The following NAA16 variants were observed in gnomAD, a reference collection of about 807,000 sequenced individuals.
NAA16 encodes N-alpha-acetyltransferase 16, NatA auxiliary subunit.
In NAA16, 97 loss-of-function variants were observed where a neutral mutation model predicts 110.3. That is an observed-to-expected ratio of 0.88 (90% confidence interval 0.75 to 1.04). The LOEUF is 1.04. Among genes scored for constraint, NAA16 ranks in the 50% least tolerant of loss-of-function variants. The pLI is 0.00. For synonymous variants in NAA16, 372 were observed against 330.6 expected (o/e 1.13, Z -1.36); for missense variants, 1,017 against 1,005.1 (o/e 1.01, Z -0.16).
chr13:41,361,408 C>G (rs1249514820), intron 12 of NAA16, among the ~76,000 whole-genome samples: 1 of 152,210 alleles, frequency 6.6e-6, no homozygotes. Context: ...ATATACGTAA[C>G]AGTGACCCCG....
chr13:41,317,478 G>T (rs1369463062), intron 2 of NAA16, among the ~76,000 whole-genome samples: 1 of 152,190 alleles, frequency 6.6e-6, no homozygotes, highest in African/African-American at 2.4e-5. Flanking sequence ...AACAGCCAGT[G>T]TTAGAAGGGT....
rs183875065 is a variant in NAA16 at position 41,343,653 on chromosome 13, C to T, written c.1014+6897C>T. Among the ~76,000 whole-genome samples the T allele has an allele frequency of 3.6e-3, 543 of 152,288 alleles. 1 individual carries two copies. The highest frequency in any genetic ancestry group is 0.012 in the African/African-American group (493 of 41,562). Reference sequence around the variant, plus strand: ...CAAGTGATTCTCCTGCCTCAGCCTCCCGAGTAGCTGGGACTACAGGCGCAC... The same window carrying T: ...CAAGTGATTCTCCTGCCTCAGCCTCTCGAGTAGCTGGGACTACAGGCGCAC... On this transcript the variant is annotated intron_variant, in intron 9 of 19. Transcript: ENST00000379406.
chr13:41,320,859 C>T, intron 4 of NAA16, 35 bp downstream of exon 4: 1 of 1,540,460 alleles, frequency 6.5e-7, no homozygotes, highest in Non-Finnish European at 8.7e-7. Context: ...CATGATTTTA[C>T]AGTAGACAAA....
chr13:41,362,671 G>C (rs1326505779), intron 13 of NAA16: 1 of 1,277,270 alleles, frequency 7.8e-7, no homozygotes, highest in Non-Finnish European at 1.0e-6. Flanking sequence ...GCCTTAGTGA[G>C]GGGACTTTTC....
At chr13:41,367,398 A>T in intron 13 of NAA16, 41 bp from the exon 14 acceptor site, 1 of 1,372,882 alleles carries the variant, frequency 7.3e-7, no homozygotes, top group South Asian at 1.3e-5. Flanking sequence ...GACATTATTG[A>T]CATAAATGTA....
chr13:41,350,654 C>T (rs1418009035), intron 9 of NAA16, among the ~76,000 whole-genome samples: 3 of 142,766 alleles, frequency 2.1e-5, no homozygotes, highest in East Asian at 2.0e-4. Context: ...GAGTTTCACT[C>T]CCGTTGCCCA....
In NAA16 at chr13:41,331,275, C is replaced by T. The variant is rs2042230869; in HGVS notation, c.813C>T (p.Ser271=). Residue 271 remains serine, a splice_region_variant and synonymous_variant, in exon 8 of 20, where the codon AGC becomes AGT. Coordinates refer to ENST00000379406, the MANE Select transcript of NAA16 (RefSeq NM_024561.5). ...CTCACCCATATTTACTGATAATAGGCACTTTAGAAGAGAGGCTTCAAATTT... is the reference window on the plus strand; with the variant it reads ...CTCACCCATATTTACTGATAATAGGTACTTTAGAAGAGAGGCTTCAAATTT... ...YEGLEKALQI[S]TLEERLQIYE... 5 of 1,595,098 alleles carry T rather than the reference C, an allele frequency of 3.1e-6. No individual in the cohort carries two copies.
intron 1 of NAA16, among the ~76,000 whole-genome samples, chr13:41,315,599 TTAAG>T (rs1314665120): frequency 6.6e-6 from 1 of 152,170 alleles, no homozygotes; most frequent in African/African-American, 2.4e-5. Context: ...AGAATTGGTA[TTAAG>T]TAAGAGATTA....
Position 41,375,608 on chromosome 13 carries a change from T to C in NAA16, c.*6T>C, listed in dbSNP as rs752470081. The C allele has an allele frequency of 9.9e-6, 16 of 1,610,006 alleles. No homozygotes were observed. The South Asian group carries it at 1.8e-4, about 18-fold the overall frequency. ...TCTTGGCAAATGAAATTTGAAATCT[T>C]CTAGAAAGTAGACTCCTATAGACTC... On this transcript the variant is annotated 3_prime_UTR_variant, in exon 20 of 20. Coordinates refer to ENST00000379406, the MANE Select transcript of NAA16 (RefSeq NM_024561.5).
intron 14 of NAA16, 131 bp from the exon 15 acceptor site, chr13:41,368,959 G>A (rs2043261276): frequency 1.7e-5 from 11 of 634,776 alleles, no homozygotes; most frequent in Non-Finnish European, 2.6e-6. Flanking sequence ...AGTGGACTTT[G>A]TGGGGGTGGG....
chr13:41,319,195 A>C (rs928022865), intron 3 of NAA16, among the ~76,000 whole-genome samples: 1 of 152,110 alleles, frequency 6.6e-6, no homozygotes, highest in Non-Finnish European at 1.5e-5. Flanking sequence ...TGTTGTGCTT[A>C]GTGTTGGAGA....
chr13:41,340,354 G>A (rs774643386), intron 9 of NAA16, among the ~76,000 whole-genome samples: 3 of 151,956 alleles, frequency 2.0e-5, no homozygotes, highest in Non-Finnish European at 4.4e-5. Flanking sequence ...ATCTTAGTTA[G>A]TTATTGCCTT....
chr13:41,311,511 G>C lies in NAA16; in HGVS notation c.-18G>C. On this transcript the variant is annotated 5_prime_UTR_variant, in exon 1 of 20. Coordinates refer to ENST00000379406, the MANE Select transcript of NAA16 (RefSeq NM_024561.5). ...ACCTAGCCTCCCTGCCGGCCACCTA[G>C]CCTCCCTGCCGGCCACGATGCCGAA... is the stretch of plus-strand genomic sequence containing the variant. 1.3e-6 allele frequency: 2 copies of C among 1,592,668 alleles called. No individual in the cohort carries two copies. The highest frequency in any genetic ancestry group is 2.3e-5 in the South Asian group (2 of 87,860).
rs764841569 is a variant in NAA16, at chr13:41,372,313, TAATA to T, written c.2056+7_2056+10del. The T allele has an allele frequency of 9.6e-6, 15 of 1,569,904 alleles. No individual in the cohort carries two copies. Among genetic ancestry groups the T allele is most frequent in the African/African-American group, 1.4e-5 (1 of 72,616 alleles). ...CATTTGAAATATATTTTAGAAAAGG[TAATA>T]AATAGTTTGAGTTCAGTTTTTAATC... On this transcript the variant is annotated splice_donor_5th_base_variant and intron_variant, in intron 16 of 19. Transcript: ENST00000379406.
intron 9 of NAA16, among the ~76,000 whole-genome samples, chr13:41,348,982 CT>C (rs2042756889): frequency 6.6e-6 from 1 of 152,018 alleles, no homozygotes; most frequent in Admixed American, 6.6e-5. Context: ...TCCCCTCTTA[CT>C]GTTTTTGGTT....
intron 12 of NAA16, among the ~76,000 whole-genome samples, chr13:41,359,242 C>A (rs983819217): frequency 6.6e-6 from 1 of 152,156 alleles, no homozygotes; most frequent in Non-Finnish European, 1.5e-5. Flanking sequence ...TTAGCACTTA[C>A]GTGTAAAATT....
chr13:41,335,578 C>A (rs554594932), intron 8 of NAA16, among the ~76,000 whole-genome samples: 1 of 152,064 alleles, frequency 6.6e-6, no homozygotes, highest in Non-Finnish European at 1.5e-5. Context: ...ATGTTGTCTT[C>A]GTAATCTGTG....
intron 10 of NAA16, among the ~76,000 whole-genome samples, chr13:41,357,458 A>G (rs1221950045): frequency 6.6e-6 from 1 of 152,224 alleles, no homozygotes; most frequent in Non-Finnish European, 1.5e-5. Context: ...AATATAGTTT[A>G]TATAAGAGGA....
Position 41,318,850 on chromosome 13 carries a change from AAAG to A in NAA16, c.191_193del (p.Glu64del), listed in dbSNP as rs753909671. Reference sequence around the variant, plus strand: ...ATTAACACTGAACTGTTTAGGAAAAAAAGAAGAAGCTTATGAGTTTGTTCGTAA... The same window carrying A: ...ATTAACACTGAACTGTTTAGGAAAAAAAGAAGCTTATGAGTTTGTTCGTAA... On this transcript the variant is annotated inframe_deletion, in exon 3 of 20. Transcript: ENST00000379406. 2.3e-5 allele frequency: 37 copies of A among 1,604,686 alleles called. No homozygotes were observed. The highest frequency in any genetic ancestry group is 6.7e-5 in the East Asian group (3 of 44,534).
Sources: gnomAD v4.1 joint callset for allele counts (sites outside exome capture counted in the v4.1 genomes callset) on GRCh38, gnomAD v4.1.1 for gene constraint, MANE v1.5 for transcripts, NCBI Gene and HGNC (gene_info 2026-07-23, HGNC 2026-07-21) for gene names.